Variants in CFAP299 observed in about 807,000 individuals in gnomAD.
CFAP299 encodes the protein cilia- and flagella-associated protein 299.
In CFAP299, 21 loss-of-function variants were observed where a neutral mutation model predicts 27.0. That is an observed-to-expected ratio of 0.78 (90% CI 0.55 to 1.12). CFAP299 has a LOEUF of 1.12. Among genes scored for constraint, CFAP299 ranks in the 50% most tolerant of loss-of-function variants. CFAP299 has a pLI of 0.00. For synonymous variants in CFAP299, 104 were observed against 98.1 expected, an observed-to-expected ratio of 1.06 and a Z score of -0.36; for missense variants, 310 against 276.6, an observed-to-expected ratio of 1.12 and a Z score of -0.86.
chr4:80,521,066 AT>A (rs1276910719), intron 2 of CFAP299, among the ~76,000 whole-genome samples: 1 of 152,210 alleles, frequency 6.6e-6, no homozygotes, highest in African/African-American at 2.4e-5. Context: ...AAACAATGAC[AT>A]CAAATATGTA....
At chr4:80,330,593 A>G in the CFAP299 span, among the ~76,000 whole-genome samples, 1 of 152,300 alleles carries the variant, frequency 6.6e-6, no homozygotes, top group East Asian at 1.9e-4. Flanking sequence ...TATTCAGCAC[A>G]AAGGCCATGT....
chr4:80,919,667 C>A (rs1228027210), intron 4 of CFAP299, among the ~76,000 whole-genome samples: 1 of 152,076 alleles, frequency 6.6e-6, no homozygotes, highest in Non-Finnish European at 1.5e-5. Flanking sequence ...CATTTTAATT[C>A]AGATTTATCT....
At position 80,631,859 on chromosome 4, in the gene CFAP299, GCCC is replaced by G. The variant is rs34119726; in HGVS notation, c.333+48678_333+48680del. On this transcript the variant is annotated intron_variant, in intron 3 of 5. Transcript: ENST00000358105. ...TTAGGCTATCAGTCTGAATATTTGTGCCCCACCCCCCCCCAACCAAATTCATAT... is the reference window on the plus strand; with the variant it reads ...TTAGGCTATCAGTCTGAATATTTGTGCACCCCCCCCCAACCAAATTCATAT... Among the ~76,000 whole-genome samples the G allele has an allele frequency of 2.2e-3, 47 of 21,514 alleles. 8 individuals carry two copies. In the South Asian group the frequency reaches 0.14, roughly 62 times the overall value. 14.1% of individuals were successfully genotyped at this position (21,514 alleles called of 152,430 possible). A position where few individuals can be genotyped will look rare whatever the true frequency, so the allele number is the denominator to read the frequency against.
At chr4:80,370,319 A>G (rs896658696) in intron 2 of CFAP299, among the ~76,000 whole-genome samples, 2 of 152,164 alleles carry the variant, frequency 1.3e-5, no homozygotes, top group African/African-American at 4.8e-5. Flanking sequence ...TTTGATGAGG[A>G]CACAGATTCA....
chr4:80,525,499 C>A (rs1356508580), intron 2 of CFAP299, among the ~76,000 whole-genome samples: 1 of 152,178 alleles, frequency 6.6e-6, no homozygotes, highest in East Asian at 1.9e-4. Flanking sequence ...CATTCTCCAT[C>A]CTTCAGCCAG....
chr4:80,333,117 G>A (rs2109959305), upstream of CFAP299, among the ~76,000 whole-genome samples: 1 of 152,196 alleles, frequency 6.6e-6, no homozygotes, highest in South Asian at 2.1e-4. Flanking sequence ...CACTGTCAAT[G>A]ACAAGGCAGG....
intron 4 of CFAP299, among the ~76,000 whole-genome samples, chr4:80,922,015 A>G (rs1177687182): frequency 1.3e-5 from 2 of 152,040 alleles, no homozygotes; most frequent in Non-Finnish European, 2.9e-5. Flanking sequence ...TCAGTTCTGT[A>G]TATGTTGAGT....
intron 2 of CFAP299, among the ~76,000 whole-genome samples, chr4:80,582,786 G>C (rs1271400186): frequency 2.6e-5 from 4 of 151,750 alleles, no homozygotes; most frequent in Non-Finnish European, 5.9e-5. Context: ...TGAGAAGTGA[G>C]CCATACGAAC....
chr4:80,744,138 A>T (rs1724446820), intron 3 of CFAP299, among the ~76,000 whole-genome samples: 1 of 152,220 alleles, frequency 6.6e-6, no homozygotes, highest in Non-Finnish European at 1.5e-5. Flanking sequence ...ATTTTTAAAA[A>T]GATAAAAGAG....
At chr4:80,507,512 T>C (rs940446228) in intron 2 of CFAP299, among the ~76,000 whole-genome samples, 5 of 151,774 alleles carry the variant, frequency 3.3e-5, no homozygotes, top group African/African-American at 1.2e-4. Flanking sequence ...TTTAGAAGCA[T>C]TGCTTTCTTG....
intron 4 of CFAP299, among the ~76,000 whole-genome samples, chr4:80,919,767 A>G (rs1275203288): frequency 6.6e-6 from 1 of 152,164 alleles, no homozygotes; most frequent in African/African-American, 2.4e-5. Flanking sequence ...TACTGTGTAT[A>G]GATCACCATC....
chr4:80,686,747 G>A (rs1250001246), intron 3 of CFAP299, among the ~76,000 whole-genome samples: 4 of 152,176 alleles, frequency 2.6e-5, no homozygotes, highest in Non-Finnish European at 5.9e-5. Flanking sequence ...GTGATGTGAA[G>A]CAGCTGTCTT....
At chr4:80,355,774 C>T (rs1723244182) in intron 1 of CFAP299, among the ~76,000 whole-genome samples, 1 of 151,976 alleles carries the variant, frequency 6.6e-6, no homozygotes, top group African/African-American at 2.4e-5. Flanking sequence ...GTTTTTTCTC[C>T]CATTCTATAG....
intron 2 of CFAP299, among the ~76,000 whole-genome samples, chr4:80,462,991 A>C (rs1729521045): frequency 1.3e-5 from 2 of 152,294 alleles, no homozygotes; most frequent in East Asian, 3.9e-4. Flanking sequence ...GGACTAGATG[A>C]ATACCCAAAT....
intron 2 of CFAP299, among the ~76,000 whole-genome samples, chr4:80,427,901 A>C (rs1440576415): frequency 6.6e-6 from 1 of 152,044 alleles, no homozygotes; most frequent in South Asian, 2.1e-4. Context: ...ATATTTATTA[A>C]TTTTTATCTA....
intron 1 of CFAP299, among the ~76,000 whole-genome samples, chr4:80,342,794 T>A (rs1722520369): frequency 6.6e-6 from 1 of 152,308 alleles, no homozygotes; most frequent in African/African-American, 2.4e-5. Context: ...CCAGCTAGCA[T>A]CATGATGATA....
chr4:80,582,268 C>T (rs1483041313), intron 2 of CFAP299, among the ~76,000 whole-genome samples: 1 of 151,750 alleles, frequency 6.6e-6, no homozygotes, highest in Non-Finnish European at 1.5e-5. Context: ...CGGTCTATAT[C>T]TCTGTTATTC....
chr4:80,372,889 A>T (rs1363761002), intron 2 of CFAP299, among the ~76,000 whole-genome samples: 1 of 152,200 alleles, frequency 6.6e-6, no homozygotes, highest in Admixed American at 6.5e-5. Flanking sequence ...TTATTTCCTA[A>T]TTGAGGCAGA....
the CFAP299 span, among the ~76,000 whole-genome samples, chr4:80,325,192 C>T: frequency 6.6e-6 from 1 of 152,136 alleles, no homozygotes; most frequent in African/African-American, 2.4e-5. Flanking sequence ...CAACTGGGCA[C>T]CCTTTAATAT....
Sources: allele counts gnomAD v4.1 joint callset (sites outside exome capture counted in the v4.1 genomes callset), GRCh38; gene constraint gnomAD v4.1.1; transcripts MANE v1.5; gene names NCBI Gene and HGNC (gene_info 2026-07-23, HGNC 2026-07-21).